The following ADGRV1 variants were observed in gnomAD, a reference collection of about 807,000 sequenced individuals.
ADGRV1 encodes the protein adhesion G protein-coupled receptor V1.
ADGRV1 carries 359 observed loss-of-function variants against 596.2 expected under a neutral mutation model. The observed-to-expected ratio is 0.60, with a 90% CI of 0.55 to 0.66. The LOEUF is 0.66. Among genes scored for constraint, ADGRV1 ranks in the 30% least tolerant of loss-of-function variants. ADGRV1 has a pLI of 0.00. For missense variants in ADGRV1, 7,274 were observed against 7,575.6 expected, an observed-to-expected ratio of 0.96 and a Z score of 1.48; for synonymous variants, 2,681 against 2,679.2, an observed-to-expected ratio of 1.00 and a Z score of -0.02.
Position 90,811,048 on chromosome 5 carries a change from G to A in ADGRV1, c.15788G>A (p.Gly5263Asp). 1.2e-6 allele frequency: 2 copies of A among 1,614,016 alleles called. No individual in the cohort carries two copies. The highest frequency in any genetic ancestry group is 1.1e-5 in the South Asian group (1 of 91,080). Residue 5263 changes from glycine to aspartate, a missense_variant, in exon 74 of 90, where the codon GGT becomes GAT. Transcript: ENST00000405460. ...GTCAGCATAACAGTTAAAACTTTCG[G>A]TGAAAGATGTGCTCAGATGGAACCA... ...GNVSITVKTF[G>D]ERCAQMEPNA...
intron 1 of ADGRV1, among the ~76,000 whole-genome samples, chr5:90,593,803 T>G (rs373270139): frequency 5.9e-4 from 88 of 148,144 alleles, no homozygotes; most frequent in African/African-American, 2.1e-3. Context: ...TTGGTAGGAG[T>G]TTTTTTTTGG....
intron 87 of ADGRV1, among the ~76,000 whole-genome samples, chr5:91,148,323 G>A (rs1008848165): frequency 2.0e-5 from 3 of 152,138 alleles, no homozygotes; most frequent in African/African-American, 4.8e-5. Context: ...TCACAGGCCC[G>A]GAGGCCTATG....
intron 77 of ADGRV1, among the ~76,000 whole-genome samples, chr5:90,830,675 T>G (rs1218569105): frequency 6.6e-6 from 1 of 152,190 alleles, no homozygotes; most frequent in Non-Finnish European, 1.5e-5. Context: ...GGGCACTTAT[T>G]TATGGAACAA....
At chr5:90,670,879 A>G (rs993179764) in intron 21 of ADGRV1, among the ~76,000 whole-genome samples, 1 of 152,202 alleles carries the variant, frequency 6.6e-6, no homozygotes. Context: ...CTCCTAATAC[A>G]TCCTAATACA....
At chr5:90,982,918 C>G (rs749787737) in intron 84 of ADGRV1, among the ~76,000 whole-genome samples, 3 of 152,148 alleles carry the variant, frequency 2.0e-5, no homozygotes, top group Non-Finnish European at 4.4e-5. Flanking sequence ...GCCTACCACA[C>G]TACATTAAAA....
chr5:91,020,080 T>C (rs1039393311), intron 85 of ADGRV1, among the ~76,000 whole-genome samples: 2 of 131,310 alleles, frequency 1.5e-5, no homozygotes, highest in Non-Finnish European at 3.3e-5. Flanking sequence ...TTAAGGCTTA[T>C]AGTTACGGCA....
At chr5:90,849,114 A>T (rs895609727) in intron 79 of ADGRV1, among the ~76,000 whole-genome samples, 21 of 151,884 alleles carry the variant, frequency 1.4e-4, no homozygotes, top group Admixed American at 2.6e-4. Context: ...ATACATTCTG[A>T]ATAGAAAAAA....
intron 83 of ADGRV1, among the ~76,000 whole-genome samples, chr5:90,945,745 C>A (rs1776518839): frequency 1.3e-5 from 2 of 152,028 alleles, no homozygotes; most frequent in Non-Finnish European, 2.9e-5. Context: ...CAGCACCCTG[C>A]AAGGCTGAGG....
intron 38 of ADGRV1, among the ~76,000 whole-genome samples, chr5:90,706,882 G>A (rs1005485014): frequency 6.6e-6 from 1 of 151,740 alleles, no homozygotes; most frequent in African/African-American, 2.4e-5. Flanking sequence ...TGTTGTTGTT[G>A]TTGTTTTAAT....
At chr5:91,117,666 C>T (rs891022960) in intron 87 of ADGRV1, among the ~76,000 whole-genome samples, 1 of 152,158 alleles carries the variant, frequency 6.6e-6, no homozygotes, top group African/African-American at 2.4e-5. Flanking sequence ...TTACTAAAAC[C>T]ATTTACTCAA....
rs78625945 is a variant in ADGRV1 at position 90,644,696 on chromosome 5, C to A, written c.2735-10C>A. The A allele has an allele frequency of 2.8e-3, 4,458 of 1,594,538 alleles. 102 individuals carry two copies. The African/African-American group carries it at 0.052, about 19-fold the overall frequency. The stretch of plus-strand genomic sequence containing the variant: ...TCTTCATATGTATTATGTATGTTTC[C>A]ATTTCACAGCTGTTTATGATGTAGT... On this transcript the variant is annotated splice_polypyrimidine_tract_variant and intron_variant, in intron 14 of 89. Coordinates refer to ENST00000405460, the MANE Select transcript of ADGRV1 (RefSeq NM_032119.4).
At chr5:90,809,074 G>A (rs761353323) in intron 73 of ADGRV1, among the ~76,000 whole-genome samples, 85 of 151,526 alleles carry the variant, frequency 5.6e-4, no homozygotes, top group Non-Finnish European at 8.2e-4. Context: ...AGCCTCCCGA[G>A]TAGCTGGGAG....
rs560792580 is a variant in ADGRV1, at chr5:90,919,425, A to C, written c.17857-45990A>C. Among the ~76,000 whole-genome samples, 3 of 152,258 alleles carry C rather than the reference A, an allele frequency of 2.0e-5. No individual in the cohort carries two copies. The East Asian group carries it at 5.8e-4, about 29-fold the overall frequency. Reference sequence around the variant, plus strand: ...TTGGGAGGTGTAGTTGATACATATAAAATTCTGTTTTTACACCTTCTAATT... The same window carrying C: ...TTGGGAGGTGTAGTTGATACATATACAATTCTGTTTTTACACCTTCTAATT... On this transcript the variant is annotated intron_variant, in intron 83 of 89. Transcript: ENST00000405460.
intron 70 of ADGRV1, among the ~76,000 whole-genome samples, chr5:90,801,536 T>C (rs941571180): frequency 3.7e-4 from 56 of 152,218 alleles, no homozygotes; most frequent in African/African-American, 1.2e-3. Flanking sequence ...TTATTTGTTT[T>C]TTTTTTTTAG....
chr5:91,112,566 C>G (rs1487264838), intron 87 of ADGRV1, among the ~76,000 whole-genome samples: 1 of 152,136 alleles, frequency 6.6e-6, no homozygotes, highest in Non-Finnish European at 1.5e-5. Flanking sequence ...ACATTTGGGA[C>G]TCGTTTTTAC....
Position 90,629,435 on chromosome 5 carries a change from A to G in ADGRV1, c.1735A>G (p.Arg579Gly). 6.2e-7 allele frequency: 1 copy of G among 1,613,736 alleles called. No homozygotes were observed. Among genetic ancestry groups the G allele is most frequent in the East Asian group, 2.2e-5 (1 of 44,830 alleles). The change falls in exon 9 of 90, where the codon AGG becomes GGG. Residue 579 changes from arginine (R) to glycine (G), a missense_variant. Arg to Gly is a moderately radical substitution (Grantham distance 125, BLOSUM62 -2). Around this residue, in one of 5 missense-constraint regions of ADGRV1, gnomAD observed 1,715 missense variants for 1,708.8 expected, o/e 1.00. Transcript: ENST00000405460. ...QAKEGILNISRRNDLIFPEQK... is the reference protein window; with the variant it reads ...QAKEGILNISGRNDLIFPEQK... ...AAAAGAAGGCATCTTAAATATATCAAGGAGAAATGACCTCATTTTTCCAGA... is the reference window on the plus strand; with the variant it reads ...AAAAGAAGGCATCTTAAATATATCAGGGAGAAATGACCTCATTTTTCCAGA...
chr5:90,991,672 C>T (rs558198348), intron 85 of ADGRV1, among the ~76,000 whole-genome samples: 89 of 152,254 alleles, frequency 5.8e-4, no homozygotes, highest in Middle Eastern at 6.8e-3. Context: ...CTCTGATTAT[C>T]CTGCTTCTGA....
At position 90,810,883 on chromosome 5, in the gene ADGRV1, C is replaced by T. The variant is rs1762379069; in HGVS notation, c.15623C>T (p.Ala5208Val). 1 of 1,613,894 alleles carries T rather than the reference C, an allele frequency of 6.2e-7. No homozygotes were observed. The highest frequency in any genetic ancestry group is 1.7e-5 in the Admixed American group (1 of 60,004). The change falls in exon 74 of 90, where the codon GCC becomes GTC. Residue 5208 changes from alanine to valine, a missense_variant. Transcript: ENST00000405460. Reference sequence around the variant, plus strand: ...GCTGTGTCTGAAAAGCCTGATGTGGCCACTGTAACTGCCAATGTTTCCATT... The same window carrying T: ...GCTGTGTCTGAAAAGCCTGATGTGGTCACTGTAACTGCCAATGTTTCCATT... Reference protein sequence around the residue: ...TPAVSEKPDVATVTANVSIHG... With the variant: ...TPAVSEKPDVVTVTANVSIHG...
At chr5:90,860,594 CA>C (rs1767457980) in intron 82 of ADGRV1, among the ~76,000 whole-genome samples, 1 of 151,714 alleles carries the variant, frequency 6.6e-6, no homozygotes, top group Admixed American at 6.6e-5. Context: ...ACAAAAAGTA[CA>C]AAAAGTGACA....
Sources: allele counts gnomAD v4.1 joint callset (sites outside exome capture counted in the v4.1 genomes callset), GRCh38; gene constraint gnomAD v4.1.1; regional missense constraint gnomAD v4.1.1; transcripts MANE v1.5; gene names NCBI Gene and HGNC (gene_info 2026-07-23, HGNC 2026-07-21).